DLG1: variants seen among roughly 807,000 people sequenced by gnomAD.
The protein encoded by DLG1 is discs large MAGUK scaffold protein 1, also known as disks large homolog 1.
A neutral mutation model predicts 123.4 loss-of-function variants in DLG1; 42 were observed. The observed-to-expected ratio is 0.34, with a 90% CI of 0.27 to 0.44. DLG1 has a LOEUF of 0.44. Among genes scored for constraint, DLG1 ranks in the 20% least tolerant of loss-of-function variants. DLG1 has a pLI of 1.00. For missense variants in DLG1, 942 were observed against 1,082.6 expected (o/e 0.87, Z 1.82); for synonymous variants, 317 against 356.2 (o/e 0.89, Z 1.24).
intron 4 of DLG1, among the ~76,000 whole-genome samples, chr3:197,233,540 C>T (rs543738758): frequency 1.2e-4 from 18 of 152,322 alleles, no homozygotes; most frequent in African/African-American, 3.4e-4. Flanking sequence ...GTGCGCACCA[C>T]GATGCCCGGC....
chr3:197,163,598 C>G (rs142168308), intron 5 of DLG1, among the ~76,000 whole-genome samples: 1 of 151,104 alleles, frequency 6.6e-6, no homozygotes, highest in Non-Finnish European at 1.5e-5. Flanking sequence ...TCTCAGCTCA[C>G]TGTAACGTCC....
intron 5 of DLG1, among the ~76,000 whole-genome samples, chr3:197,169,781 C>G (rs189004684): frequency 9.1e-4 from 138 of 152,194 alleles, no homozygotes; most frequent in Admixed American, 7.1e-3. Flanking sequence ...ATTTTAAGTT[C>G]AGGGGTACAT....
At chr3:197,285,747 G>T (rs1414116794) in intron 3 of DLG1, among the ~76,000 whole-genome samples, 1 of 152,190 alleles carries the variant, frequency 6.6e-6, no homozygotes, top group Non-Finnish European at 1.5e-5. Flanking sequence ...AAATGCTGGT[G>T]AGGACACAGG....
chr3:197,051,148 T>C (rs1193270680), intron 24 of DLG1, among the ~76,000 whole-genome samples: 1 of 152,060 alleles, frequency 6.6e-6, no homozygotes, highest in South Asian at 2.1e-4. Flanking sequence ...CTGAGGCAGG[T>C]GGATCACCTG....
intron 4 of DLG1, among the ~76,000 whole-genome samples, chr3:197,205,087 T>C (rs1021150285): frequency 6.6e-5 from 10 of 152,204 alleles, no homozygotes; most frequent in Non-Finnish European, 1.0e-4. Flanking sequence ...TCAACCTTCA[T>C]ATGATAAAGC....
At chr3:197,167,468 G>A (rs745808576) in intron 5 of DLG1, among the ~76,000 whole-genome samples, 9 of 152,096 alleles carry the variant, frequency 5.9e-5, no homozygotes, top group Non-Finnish European at 1.5e-5. Flanking sequence ...CACCAGTAAC[G>A]GGAAAAATCA....
chr3:197,273,636 GA>G (rs1189034685), intron 4 of DLG1, among the ~76,000 whole-genome samples: 1 of 151,870 alleles, frequency 6.6e-6, no homozygotes, highest in Non-Finnish European at 1.5e-5. Context: ...AAGAGAAAGG[GA>G]AAAGTATCCC....
chr3:197,155,642 A>G (rs1294747291), intron 5 of DLG1, among the ~76,000 whole-genome samples: 1 of 152,020 alleles, frequency 6.6e-6, no homozygotes, highest in Non-Finnish European at 1.5e-5. Flanking sequence ...AAAAAAACTT[A>G]GCCTAGCCAG....
intron 5 of DLG1, among the ~76,000 whole-genome samples, chr3:197,153,468 C>T (rs1178770043): frequency 6.6e-6 from 1 of 152,168 alleles, no homozygotes; most frequent in Non-Finnish European, 1.5e-5. Context: ...CCTGCACAAG[C>T]CACGGTGGGC....
intron 16 of DLG1, among the ~76,000 whole-genome samples, chr3:197,083,259 A>G (rs977664335): frequency 3.9e-5 from 6 of 152,222 alleles, no homozygotes; most frequent in Non-Finnish European, 7.3e-5. Flanking sequence ...AAACAGGTAA[A>G]TAAATAAAGG....
chr3:197,106,907 A>G (rs1766789323), intron 13 of DLG1, among the ~76,000 whole-genome samples: 3 of 152,174 alleles, frequency 2.0e-5, no homozygotes, highest in Admixed American at 2.0e-4. Context: ...TTTTTAAAGC[A>G]TATAGTTTAG....
chr3:197,082,544 T>G (rs1343669951), intron 16 of DLG1, among the ~76,000 whole-genome samples: 2 of 152,160 alleles, frequency 1.3e-5, no homozygotes, highest in Non-Finnish European at 2.9e-5. Flanking sequence ...TAATCATTAT[T>G]TTGTTTAGTA....
At chr3:197,156,341 T>C (rs1042257204) in intron 5 of DLG1, among the ~76,000 whole-genome samples, 1 of 152,046 alleles carries the variant, frequency 6.6e-6, no homozygotes, top group South Asian at 2.1e-4. Flanking sequence ...AATGTTTCAC[T>C]ACAAAAAATT....
intron 4 of DLG1, among the ~76,000 whole-genome samples, chr3:197,270,189 T>C (rs144962139): frequency 9.7e-4 from 148 of 152,284 alleles, no homozygotes; most frequent in African/African-American, 3.3e-3. Flanking sequence ...GGGAAAATTG[T>C]TGGAAGGCAA....
intron 4 of DLG1, among the ~76,000 whole-genome samples, chr3:197,195,321 A>AT (rs1721879620): frequency 1.3e-5 from 2 of 151,922 alleles, no homozygotes; most frequent in Admixed American, 6.6e-5. Flanking sequence ...ATAAAGTGAT[A>AT]TTTTTTTAAA....
chr3:197,269,360 T>C (rs1762987210), intron 4 of DLG1, among the ~76,000 whole-genome samples: 1 of 152,172 alleles, frequency 6.6e-6, no homozygotes, highest in Admixed American at 6.5e-5. Flanking sequence ...CTTAACATGG[T>C]CTGTGGCTGG....
chr3:197,098,964 C>T (rs1762084341), intron 14 of DLG1, among the ~76,000 whole-genome samples: 2 of 152,210 alleles, frequency 1.3e-5, no homozygotes, highest in South Asian at 4.1e-4. Flanking sequence ...CTACCTTTTC[C>T]TTTTGTTTCA....
At chr3:197,075,876 G>A (rs1746907449) in intron 18 of DLG1, 1 of 1,611,464 alleles carries the variant, frequency 6.2e-7, no homozygotes, top group African/African-American at 1.3e-5. Context: ...ATCTCCTGTA[G>A]AGGGTAGTCC....
intron 3 of DLG1, among the ~76,000 whole-genome samples, chr3:197,294,227 T>C (rs1416817715): frequency 5.3e-5 from 8 of 152,182 alleles, no homozygotes; most frequent in African/African-American, 1.9e-4. Flanking sequence ...CTATTACTTG[T>C]CTTACACCAA....
Sources: allele counts gnomAD v4.1 joint callset (sites outside exome capture counted in the v4.1 genomes callset), GRCh38; gene constraint gnomAD v4.1.1; transcripts MANE v1.5; gene names NCBI Gene and HGNC (gene_info 2026-07-23, HGNC 2026-07-21).